PRKCB: variants seen among roughly 807,000 people sequenced by gnomAD.
The protein encoded by PRKCB is protein kinase C beta type.
PRKCB carries 13 observed loss-of-function variants against 81.5 expected under a neutral mutation model. The observed-to-expected ratio is 0.16, with a 90% CI of 0.10 to 0.25. The LOEUF is 0.25. Ranked by LOEUF, PRKCB falls within the 10% of genes least tolerant of loss-of-function variation. PRKCB has a pLI of 1.00. For missense variants in PRKCB, 509 were observed against 875.7 expected, an observed-to-expected ratio of 0.58 and a Z score of 5.29; for synonymous variants, 335 against 321.4, an observed-to-expected ratio of 1.04 and a Z score of -0.45.
Position 23,836,420 on chromosome 16 carries a change from G to T in PRKCB, c.173+72G>T, listed in dbSNP as rs1962158315. On this transcript the variant is annotated intron_variant, in intron 1 of 16. Transcript: ENST00000643927. ...GCCGCGCCAGGGACCCCCTCTCCGC[G>T]CCCTCTGCGCCCTCCGCGCCCTCCG... The T allele has an allele frequency of 2.1e-6, 3 of 1,432,624 alleles. No homozygotes were observed. In the East Asian group the frequency reaches 8.2e-5, roughly 39 times the overall value. 88.7% of individuals were successfully genotyped at this position (1,432,624 alleles called of 1,614,324 possible).
At chr16:23,853,489 G>T (rs527967740) in intron 2 of PRKCB, among the ~76,000 whole-genome samples, 2 of 152,320 alleles carry the variant, frequency 1.3e-5, no homozygotes, top group Admixed American at 6.5e-5. Flanking sequence ...ACGGAAGGGG[G>T]TCCTGGGACA....
chr16:23,948,241 C>G (rs542448446), intron 2 of PRKCB, among the ~76,000 whole-genome samples: 1 of 152,234 alleles, frequency 6.6e-6, no homozygotes, highest in East Asian at 1.9e-4. Flanking sequence ...GGGTTCTGTA[C>G]TGTGGTCAAG....
At position 24,180,167 on chromosome 16, in the gene PRKCB, G is replaced by C. The variant is rs1438818950; in HGVS notation, c.1395-623G>C. ...ACCATATTGGCCAGGCTGGTCTTGA[G>C]CTCCTGACCTTGTGATCCACCTGCC... On this transcript the variant is annotated intron_variant, in intron 12 of 16. Transcript: ENST00000643927. 3.9e-5 allele frequency among the ~76,000 whole-genome samples: 6 copies of C among 151,998 alleles called. No homozygotes were observed. The South Asian group carries it at 1.2e-3, about 32-fold the overall frequency.
At chr16:24,135,240 G>T (rs1375900953) in intron 9 of PRKCB, among the ~76,000 whole-genome samples, 1 of 150,688 alleles carries the variant, frequency 6.6e-6, no homozygotes, top group Non-Finnish European at 1.5e-5. Flanking sequence ...AAAGGCCAGG[G>T]TGCTTAACTA....
At chr16:24,033,902 G>A (rs1193961269) in intron 4 of PRKCB, among the ~76,000 whole-genome samples, 1 of 152,134 alleles carries the variant, frequency 6.6e-6, no homozygotes, top group Non-Finnish European at 1.5e-5. Context: ...AGACACGGAG[G>A]AGAGAGGCAG....
chr16:23,879,461 G>A (rs1388703419), intron 2 of PRKCB, among the ~76,000 whole-genome samples: 1 of 85,576 alleles, frequency 1.2e-5, no homozygotes, highest in Non-Finnish European at 2.9e-5. Flanking sequence ...ATAAACCTTT[G>A]TTGTTGGTCC....
chr16:24,162,695 C>T (rs1250436279), intron 10 of PRKCB, among the ~76,000 whole-genome samples: 1 of 151,934 alleles, frequency 6.6e-6, no homozygotes. Flanking sequence ...CTCAAGTAGT[C>T]CCCATACCTC....
At chr16:23,921,671 C>T (rs1400151865) in intron 2 of PRKCB, among the ~76,000 whole-genome samples, 1 of 152,014 alleles carries the variant, frequency 6.6e-6, no homozygotes, top group Non-Finnish European at 1.5e-5. Context: ...TGTGGCGGCA[C>T]CCATCTGTCA....
rs1283493276 is a variant in PRKCB, at chr16:24,217,374, C to G, written c.*2558C>G. ...GTGCAGAAGAAACTGAGAAACAGAG[C>G]TTTTTGAAGAGAGGACAGGGCCATA... is the stretch of plus-strand genomic sequence containing the variant. On this transcript the variant is annotated 3_prime_UTR_variant, in exon 17 of 17. Transcript: ENST00000643927. 6 of 985,312 alleles carry G rather than the reference C, an allele frequency of 6.1e-6. No homozygotes were observed. The highest frequency in any genetic ancestry group is 1.0e-3 in the Middle Eastern group (2 of 1,914). 61.0% of individuals were successfully genotyped at this position (985,312 alleles called of 1,614,324 possible).
intron 2 of PRKCB, among the ~76,000 whole-genome samples, chr16:23,949,293 G>A (rs1964245403): frequency 6.6e-6 from 1 of 152,240 alleles, no homozygotes; most frequent in Admixed American, 6.5e-5. Flanking sequence ...GGCCTCCTTA[G>A]ATAAGGAAGA....
intron 2 of PRKCB, among the ~76,000 whole-genome samples, chr16:23,953,724 T>G (rs1871235426): frequency 6.6e-6 from 1 of 152,198 alleles, no homozygotes; most frequent in Admixed American, 6.5e-5. Flanking sequence ...ATTTACTTGT[T>G]TATTCATTTG....
intron 2 of PRKCB, among the ~76,000 whole-genome samples, chr16:23,985,031 T>TA: frequency 6.6e-6 from 1 of 152,334 alleles, no homozygotes; most frequent in South Asian, 2.1e-4. Flanking sequence ...TGAGTTTTTT[T>TA]AAAAAATGCT....
intron 3 of PRKCB, among the ~76,000 whole-genome samples, chr16:24,029,629 A>C (rs1224689968): frequency 6.6e-6 from 1 of 151,108 alleles, no homozygotes; most frequent in African/African-American, 2.4e-5. Flanking sequence ...TAAAGTTTTG[A>C]AAAGAACAGT....
At chr16:23,890,508 G>A (rs181467794) in intron 2 of PRKCB, among the ~76,000 whole-genome samples, 1 of 152,278 alleles carries the variant, frequency 6.6e-6, no homozygotes, top group Admixed American at 6.5e-5. Context: ...GAAGCAAAAT[G>A]ACCCTTGCCC....
chr16:24,128,032 T>A (rs1447878134), intron 9 of PRKCB, among the ~76,000 whole-genome samples: 1 of 128,744 alleles, frequency 7.8e-6, no homozygotes, highest in African/African-American at 3.0e-5. Flanking sequence ...GTAATCTGTT[T>A]CCACCTCCCT....
chr16:24,096,666 A>AATATATATATATATAT (rs58341820), intron 7 of PRKCB, among the ~76,000 whole-genome samples: 42 of 32,550 alleles, frequency 1.3e-3, no homozygotes, highest in East Asian at 2.4e-3. Context: ...AAAAAAAAAA[A>AATATATATATATATAT]ATATATATAT....
intron 2 of PRKCB, among the ~76,000 whole-genome samples, chr16:23,898,016 A>C (rs1963407714): frequency 1.3e-5 from 2 of 151,416 alleles, no homozygotes; most frequent in East Asian, 1.9e-4. Context: ...CTTCTGCCTC[A>C]GCTTCCTGAG....
At chr16:24,199,905 G>T (rs1158056755) in intron 16 of PRKCB, among the ~76,000 whole-genome samples, 2 of 152,184 alleles carry the variant, frequency 1.3e-5, no homozygotes, top group Non-Finnish European at 2.9e-5. Flanking sequence ...GGAGCCCCTG[G>T]TAAGGTTTGT....
intron 2 of PRKCB, among the ~76,000 whole-genome samples, chr16:23,975,732 C>T (rs2141807418): frequency 6.6e-6 from 1 of 152,292 alleles, no homozygotes; most frequent in South Asian, 2.1e-4. Flanking sequence ...TAACACCAAG[C>T]TCCTAAATAA....
Sources: allele counts gnomAD v4.1 joint callset (sites outside exome capture counted in the v4.1 genomes callset), GRCh38; gene constraint gnomAD v4.1.1; transcripts MANE v1.5; gene names NCBI Gene and HGNC (gene_info 2026-07-23, HGNC 2026-07-21).